WNK2: variants seen among roughly 807,000 people sequenced by gnomAD.
WNK2 encodes the protein WNK lysine deficient protein kinase 2, also known as serine/threonine-protein kinase WNK2.
A neutral mutation model predicts 192.1 loss-of-function variants in WNK2; 67 were observed. That is an observed-to-expected ratio of 0.35 (90% CI 0.29 to 0.43). The LOEUF (loss-of-function observed/expected upper bound fraction) is 0.43, where lower values mean the gene tolerates loss of function less well. Among genes scored for constraint, WNK2 ranks in the 20% least tolerant of loss-of-function variants. The pLI, the probability that WNK2 is intolerant of heterozygous loss-of-function variation, is 1.00. For missense variants in WNK2, 2,698 were observed against 3,089.7 expected, an observed-to-expected ratio of 0.87 and a Z score of 3.01; for synonymous variants, 1,439 against 1,393.9, an observed-to-expected ratio of 1.03 and a Z score of -0.72.
In WNK2 at chr9:93,239,631, G is replaced by C. The variant is rs59719625; in HGVS notation, c.1323-126G>C. The C allele has an allele frequency of 1.3e-6, 1 of 740,870 alleles. No individual in the cohort carries two copies. The highest frequency in any genetic ancestry group is 2.2e-6 in the Non-Finnish European group (1 of 456,054). The allele number at this position is 740,870 out of a possible 1,614,324, so 45.9% of individuals were successfully genotyped here. On this transcript the variant is annotated intron_variant, in intron 6 of 29. Coordinates refer to ENST00000427277, the MANE Select transcript of WNK2 (RefSeq NM_006648.4). The surrounding 1 kb of genome is among the most constrained non-coding windows in gnomAD (Gnocchi z 4.2). ...TTTTCTTTACCCCTGGGAGTGCTGA[G>C]ACATGAGGCCTGGCCTCAGGCTCCT...
intron 28 of WNK2, among the ~76,000 whole-genome samples, chr9:93,310,284 A>G (rs1008712620): frequency 2.0e-5 from 3 of 152,186 alleles, no homozygotes; most frequent in Non-Finnish European, 2.9e-5. Context: ...ATGGTCCCAC[A>G]GCTCTGCGAG....
In WNK2 at chr9:93,230,900, G is replaced by A; in HGVS notation, c.867G>A (p.Arg289=). The A allele has an allele frequency of 6.2e-7, 1 of 1,613,118 alleles. No homozygotes were observed. Among genetic ancestry groups the A allele is most frequent in the Non-Finnish European group, 8.5e-7 (1 of 1,179,812 alleles). ...TGAACCCCTGCAGATACCTGAAGCG[G>A]TTCAAGGTGATGAAGCCCAAGGTTC... ...TSGTLKTYLK[R]FKVMKPKVLR... Residue 289 remains arginine, a synonymous_variant, in exon 4 of 30, where the codon CGG becomes CGA. Coordinates refer to ENST00000427277, the MANE Select transcript of WNK2 (RefSeq NM_006648.4).
chr9:93,235,952 ACTTGGTTGTTCT>A (rs1000923899), intron 5 of WNK2, among the ~76,000 whole-genome samples: 90 of 152,240 alleles, frequency 5.9e-4, no homozygotes, highest in African/African-American at 1.9e-3. Context: ...ATCATCGGTC[ACTTGGTTGTTCT>A]GAGCCCCTCC....
At chr9:93,286,749 T>G (rs754580603) in intron 19 of WNK2, among the ~76,000 whole-genome samples, 1 of 152,218 alleles carries the variant, frequency 6.6e-6, no homozygotes, top group Non-Finnish European at 1.5e-5. Flanking sequence ...AGCCAAGATA[T>G]GGAAACAACC....
chr9:93,263,677 C>T lies in WNK2; in HGVS notation c.3522C>T (p.Ser1174=). ...GRAARKHHRR[S]TRARSRQERA... ...CAGCCCGAAAACACCACCGCAGGTC[C>T]ACGCGTGCGCGCTCCCGGCAGGAGA... is the stretch of plus-strand genomic sequence containing the variant. Residue 1174 remains serine, a synonymous_variant, in exon 15 of 30, where the codon TCC becomes TCT. Transcript: ENST00000427277. The T allele has an allele frequency of 6.3e-7, 1 of 1,577,888 alleles. No homozygotes were observed.
intron 7 of WNK2, among the ~76,000 whole-genome samples, chr9:93,246,988 CTT>C: frequency 6.6e-6 from 1 of 152,344 alleles, no homozygotes; most frequent in East Asian, 1.9e-4. Context: ...TTCGGGCTCT[CTT>C]ACAAATGCTC....
Position 93,239,897 on chromosome 9 carries a change from GA to G in WNK2, c.1466del (p.Lys489SerfsTer8). ...GTGGAAGACCCCAAGAAACTGAAGG[GA>G]AAGCCCAAGGACAATGGAGCCATAG... ...LWVEDPKKLK[G>X]KPKDNGAIEF... On this transcript the variant is annotated frameshift_variant, in exon 7 of 30. Coordinates refer to ENST00000427277, the MANE Select transcript of WNK2 (RefSeq NM_006648.4). LOFTEE classifies it high-confidence loss of function. This position sits in a 1 kb window ranked among gnomAD's most constrained non-coding sequence, Gnocchi z 4.2. 6.2e-7 allele frequency: 1 copy of G among 1,611,334 alleles called. No individual in the cohort carries two copies. Among genetic ancestry groups the G allele is most frequent in the Non-Finnish European group, 8.5e-7 (1 of 1,178,812 alleles).
At chr9:93,262,753 G>A (rs1844498249) in intron 14 of WNK2, 34 bp downstream of exon 14, 1 of 1,608,512 alleles carries the variant, frequency 6.2e-7, no homozygotes, top group Non-Finnish European at 8.5e-7. Flanking sequence ...CGCAGGACGG[G>A]TGTAGGGGCG....
In WNK2 at chr9:93,306,817, C is replaced by T. The variant is rs998668698; in HGVS notation, c.6255C>T (p.Ser2085=). Residue 2085 remains serine (S), a synonymous_variant, in exon 27 of 30, where the codon AGC becomes AGT. Transcript: ENST00000427277. ...LKRLCLGKEH[S]SRSSTSSLAP... is the part of the protein sequence containing the mutation. ...GTCTCTGCCTAGGCAAAGAACACAG[C>T]AGTAGTAATTATCCGGGTTTTTTCC... 6.2e-7 allele frequency: 1 copy of T among 1,614,086 alleles called. No homozygotes were observed. Among genetic ancestry groups the T allele is most frequent in the Non-Finnish European group, 8.5e-7 (1 of 1,179,898 alleles).
At chr9:93,287,382 G>T (rs950507799) in intron 19 of WNK2, among the ~76,000 whole-genome samples, 2 of 152,196 alleles carry the variant, frequency 1.3e-5, no homozygotes, top group Non-Finnish European at 2.9e-5. Context: ...CTCAGTGTTA[G>T]TCGTGGTCCC....
At chr9:93,249,626 A>G (rs990618709) in intron 8 of WNK2, among the ~76,000 whole-genome samples, 1 of 152,156 alleles carries the variant, frequency 6.6e-6, no homozygotes, top group South Asian at 2.1e-4. Flanking sequence ...GGCACCTGCT[A>G]TCACGCCCAG....
intron 5 of WNK2, among the ~76,000 whole-genome samples, chr9:93,237,849 T>C (rs992270276): frequency 2.0e-5 from 3 of 148,216 alleles, no homozygotes; most frequent in Non-Finnish European, 3.0e-5. Flanking sequence ...GTGCAGATAC[T>C]TGGGGCTCTT....
chr9:93,297,764 T>G, intron 23 of WNK2, 89 bp from the exon 24 acceptor site: 1 of 1,376,684 alleles, frequency 7.3e-7, no homozygotes, highest in Non-Finnish European at 9.9e-7. Flanking sequence ...CATCCCATGT[T>G]CTCCCACGCC....
At chr9:93,253,723 AC>A in intron 9 of WNK2, among the ~76,000 whole-genome samples, 1 of 152,254 alleles carries the variant, frequency 6.6e-6, no homozygotes, top group East Asian at 1.9e-4. Context: ...GGCTGTGACG[AC>A]ACGTGTGGGT....
At chr9:93,256,754 T>C in intron 10 of WNK2, 194 bp from the exon 11 acceptor site, 1 of 686,230 alleles carries the variant, frequency 1.5e-6, no homozygotes, top group Non-Finnish European at 2.4e-6. Context: ...CCAGGCTGGC[T>C]GGAGTTTGGT....
At position 93,289,219 on chromosome 9, in the gene WNK2, C is replaced by T. The variant is rs1237526466; in HGVS notation, c.4465C>T (p.Pro1489Ser). Residue 1489 changes from proline (P) to serine (S), a missense_variant, in exon 20 of 30, where the codon CCA becomes TCA. Around this residue, in one of 7 missense-constraint regions of WNK2, gnomAD observed 1,098 missense variants for 1,101.0 expected, o/e 1.00. Transcript: ENST00000427277. The stretch of plus-strand genomic sequence containing the variant: ...TGAGCCCAGCCCCCACAGCGGGACC[C>T]CACAGCCCGCCTTGGGTCAACCTGC... The part of the protein sequence containing the change: ...APEPSPHSGT[P>S]QPALGQPAPL... 2 of 1,604,672 alleles carry T rather than the reference C, an allele frequency of 1.2e-6. No homozygotes were observed. The highest frequency in any genetic ancestry group is 1.1e-5 in the South Asian group (1 of 90,630).
At chr9:93,307,174 C>T (rs763378388) in intron 27 of WNK2, 12 of 341,100 alleles carry the variant, frequency 3.5e-5, no homozygotes, top group Non-Finnish European at 6.0e-5. Flanking sequence ...TGCCTCCCCA[C>T]GAGGAGAGAT....
intron 2 of WNK2, among the ~76,000 whole-genome samples, chr9:93,211,239 CATTCACTCACTCACTCATT>C (rs1834561861): frequency 5.1e-5 from 1 of 19,730 alleles, no homozygotes; most frequent in African/African-American, 2.1e-4. Context: ...CTCACTCACT[CATTCACTCACTCACTCATT>C]CACTCATTCA....
rs1378239602 is a variant in WNK2 at position 93,259,782 on chromosome 9, G to T, written c.3066+168G>T. On this transcript the variant is annotated intron_variant, in intron 12 of 29. Coordinates refer to ENST00000427277, the MANE Select transcript of WNK2 (RefSeq NM_006648.4). The surrounding 1 kb of genome is among the most constrained non-coding windows in gnomAD (Gnocchi z 4.8). ...GGGAGGCGGGGGCTGGCGCCAGCGC[G>T]AGGCATCTGCATCTCTTCCGTTTTC... Among the ~76,000 whole-genome samples, 1 of 152,254 alleles carries T rather than the reference G, an allele frequency of 6.6e-6. No homozygotes were observed. Among genetic ancestry groups the T allele is most frequent in the East Asian group, 1.9e-4 (1 of 5,192 alleles).
Sources: gnomAD v4.1 joint callset for allele counts (sites outside exome capture counted in the v4.1 genomes callset) on GRCh38, gnomAD v4.1.1 for gene constraint, gnomAD v4.1.1 regional missense constraint, Gnocchi (gnomAD v3.1) non-coding constraint, MANE v1.5 for transcripts, NCBI Gene and HGNC (gene_info 2026-07-23, HGNC 2026-07-21) for gene names.